Variants in FIP1L1 observed in about 807,000 individuals in gnomAD.
FIP1L1 encodes the protein factor interacting with PAPOLA and CPSF1, also known as pre-mRNA 3'-end-processing factor FIP1.
In FIP1L1, 21 loss-of-function variants were observed where a neutral mutation model predicts 84.6. The observed-to-expected ratio is 0.25, with a 90% confidence interval of 0.18 to 0.36. The LOEUF (loss-of-function observed/expected upper bound fraction) is 0.36. FIP1L1 is among the 10% of genes least tolerant of loss of function. The pLI is 1.00. For synonymous variants in FIP1L1, 263 were observed against 242.3 expected (o/e 1.09, Z -0.80); for missense variants, 526 against 751.1 (o/e 0.70, Z 3.50).
chr4:53,428,212 G>A, intron 13 of FIP1L1, 29 bp downstream of exon 13: 1 of 1,493,952 alleles, frequency 6.7e-7, no homozygotes, highest in African/African-American at 1.4e-5. Flanking sequence ...ATTTGACTTT[G>A]AAAGAAAAAT....
At chr4:53,383,002 C>G (rs965402165) in intron 4 of FIP1L1, among the ~76,000 whole-genome samples, 1 of 151,204 alleles carries the variant, frequency 6.6e-6, no homozygotes, top group African/African-American at 2.4e-5. Flanking sequence ...CTATTTGGTA[C>G]TTCTTATGCT....
At chr4:53,442,768 A>T in intron 14 of FIP1L1, 61 bp downstream of exon 14, 1 of 911,372 alleles carries the variant, frequency 1.1e-6, no homozygotes, top group South Asian at 1.5e-5. Context: ...AGAACCATAT[A>T]CTTGGAAATA....
At chr4:53,406,493 G>A (rs1478180448) in intron 10 of FIP1L1, among the ~76,000 whole-genome samples, 7 of 152,116 alleles carry the variant, frequency 4.6e-5, no homozygotes, top group South Asian at 4.2e-4. Flanking sequence ...TTCTCTACCC[G>A]GCTTTGGTAT....
intron 13 of FIP1L1, chr4:53,441,023 A>G (rs1771657023): frequency 5.9e-6 from 1 of 168,118 alleles, no homozygotes; most frequent in African/African-American, 2.4e-5. Context: ...TAGTATCGTG[A>G]GAAAATGTGT....
chr4:53,397,691 G>T (rs1748121946), intron 9 of FIP1L1, among the ~76,000 whole-genome samples: 1 of 152,206 alleles, frequency 6.6e-6, no homozygotes, highest in African/African-American at 2.4e-5. Context: ...AGTACTGCCA[G>T]CTGTGTTTTC....
At chr4:53,428,369 C>A in intron 13 of FIP1L1, 186 bp downstream of exon 13, 1 of 527,800 alleles carries the variant, frequency 1.9e-6, no homozygotes, top group Non-Finnish European at 3.0e-6. Context: ...AGGAAAGAGA[C>A]AATGTTCTAA....
intron 10 of FIP1L1, among the ~76,000 whole-genome samples, chr4:53,413,667 G>A (rs1758172343): frequency 6.6e-6 from 1 of 152,046 alleles, no homozygotes; most frequent in African/African-American, 2.4e-5. Flanking sequence ...TTTAGGCTAA[G>A]GGTATATAAT....
intron 11 of FIP1L1, among the ~76,000 whole-genome samples, chr4:53,415,398 T>C (rs1000557777): frequency 6.6e-6 from 1 of 152,198 alleles, no homozygotes; most frequent in African/African-American, 2.4e-5. Context: ...TGAAACTACA[T>C]TACTTGCAGT....
intron 10 of FIP1L1, among the ~76,000 whole-genome samples, chr4:53,414,245 A>C (rs908938807): frequency 1.1e-4 from 16 of 152,090 alleles, no homozygotes; most frequent in East Asian, 5.8e-4. Context: ...AGAAATACCA[A>C]AATTTTTAGT....
At chr4:53,456,542 GGTATTTTA>G (rs1719077761) in intron 16 of FIP1L1, among the ~76,000 whole-genome samples, 1 of 99,930 alleles carries the variant, frequency 1.0e-5, no homozygotes, top group Non-Finnish European at 2.7e-5. Flanking sequence ...TCTGAAGGCT[GGTATTTTA>G]GCAGTATGGC....
At position 53,414,617 on chromosome 4, in the gene FIP1L1, A is replaced by G; in HGVS notation, c.818A>G (p.Asn273Ser). The G allele has an allele frequency of 2.5e-6, 4 of 1,609,150 alleles. No homozygotes were observed. The highest frequency in any genetic ancestry group is 3.4e-6 in the Non-Finnish European group (4 of 1,176,206). Residue 273 changes from asparagine to serine, a missense_variant and splice_region_variant, in exon 11 of 18, where the codon AAC becomes AGC. Physicochemically the swap from Asn to Ser is conservative, Grantham distance 46 (BLOSUM62 1). Transcript: ENST00000337488. ...ACATAGAAAATTTATCTCACCAGAAACAGCACTTCTTCTCAGTCTCAGACA... is the reference window on the plus strand; with the variant it reads ...ACATAGAAAATTTATCTCACCAGAAGCAGCACTTCTTCTCAGTCTCAGACA... Reference protein sequence around the residue: ...LFKTGLPPSRNSTSSQSQTST... With the variant: ...LFKTGLPPSRSSTSSQSQTST...
chr4:53,415,341 T>TA (rs1195528016), intron 11 of FIP1L1, among the ~76,000 whole-genome samples: 1 of 152,184 alleles, frequency 6.6e-6, no homozygotes, highest in East Asian at 1.9e-4. Context: ...ATTGAAATAA[T>TA]AACTTCATCT....
At chr4:53,450,156 T>C (rs1280526161) in intron 15 of FIP1L1, among the ~76,000 whole-genome samples, 1 of 152,188 alleles carries the variant, frequency 6.6e-6, no homozygotes, top group Non-Finnish European at 1.5e-5. Flanking sequence ...CATTAATTTT[T>C]ATTCTTTTCT....
At chr4:53,447,397 T>C (rs1774672659) in intron 15 of FIP1L1, among the ~76,000 whole-genome samples, 1 of 152,164 alleles carries the variant, frequency 6.6e-6, no homozygotes, top group Non-Finnish European at 1.5e-5. Context: ...AAAATGAGAA[T>C]ATTAGTGCGT....
In FIP1L1 at chr4:53,460,717, C is replaced by CTA. The variant is rs1721854675; in HGVS notation, c.*1269_*1270dup. 1.1e-5 allele frequency: 6 copies of CTA among 537,782 alleles called. No homozygotes were observed. The highest frequency in any genetic ancestry group is 7.9e-5 in the Admixed American group (2 of 25,222). 33.3% of individuals were successfully genotyped at this position (537,782 alleles called of 1,614,324 possible). ...AGAAATCCTCCACACTGAAAAAAAA[C>CTA]TAGTAGTTTTAATTTTTTTGGAATC... On this transcript the variant is annotated 3_prime_UTR_variant, in exon 18 of 18. Transcript: ENST00000337488.
At chr4:53,433,171 T>C (rs573887467) in intron 13 of FIP1L1, among the ~76,000 whole-genome samples, 1 of 152,208 alleles carries the variant, frequency 6.6e-6, no homozygotes, top group Non-Finnish European at 1.5e-5. Context: ...TAGCCATTTA[T>C]AAATATGTAG....
intron 15 of FIP1L1, among the ~76,000 whole-genome samples, chr4:53,445,643 A>C (rs1388786767): frequency 6.6e-6 from 1 of 152,182 alleles, no homozygotes; most frequent in Non-Finnish European, 1.5e-5. Flanking sequence ...TACTATATAA[A>C]GGCTAGTTGG....
intron 13 of FIP1L1, among the ~76,000 whole-genome samples, chr4:53,431,696 C>T (rs1380254376): frequency 6.6e-6 from 1 of 152,070 alleles, no homozygotes; most frequent in Non-Finnish European, 1.5e-5. Flanking sequence ...TACCTTCTAT[C>T]CCAGCATAAT....
chr4:53,382,447 C>G (rs1214883745), intron 4 of FIP1L1, 112 bp downstream of exon 4: 1 of 749,804 alleles, frequency 1.3e-6, no homozygotes, highest in Non-Finnish European at 2.3e-6. Flanking sequence ...CAGGTGTTAT[C>G]TGGCCCTTTC....
Sources: gnomAD v4.1 joint callset for allele counts (sites outside exome capture counted in the v4.1 genomes callset) on GRCh38, gnomAD v4.1.1 for gene constraint, MANE v1.5 for transcripts, NCBI Gene and HGNC (gene_info 2026-07-23, HGNC 2026-07-21) for gene names.